The following YPEL2 variants were observed in gnomAD, a reference collection of about 807,000 sequenced individuals.
YPEL2 encodes yippee like 2, also known as protein yippee-like 2.
A neutral mutation model predicts 19.1 loss-of-function variants in YPEL2; 2 were observed. The observed-to-expected ratio is 0.10, with a 90% CI of 0.04 to 0.33. The LOEUF (loss-of-function observed/expected upper bound fraction) is 0.33. Among genes scored for constraint, YPEL2 ranks in the 10% least tolerant of loss-of-function variants. The probability of loss-of-function intolerance (pLI) is 1.00; values close to 1 mark genes in which losing one functional copy is unlikely to be tolerated. For synonymous variants in YPEL2, 52 were observed against 50.0 expected (o/e 1.04, Z -0.17); for missense variants, 66 against 140.7 (o/e 0.47, Z 2.68).
At chr17:59,384,400 CAT>C (rs2147955125) in intron 2 of YPEL2, among the ~76,000 whole-genome samples, 1 of 152,302 alleles carries the variant, frequency 6.6e-6, no homozygotes, top group South Asian at 2.1e-4. Flanking sequence ...TACTTCATCT[CAT>C]ATGCAAAACA....
At chr17:59,332,662 C>T (rs371827352) in intron 1 of YPEL2, among the ~76,000 whole-genome samples, 22 of 152,150 alleles carry the variant, frequency 1.4e-4, no homozygotes, top group African/African-American at 4.6e-4. Flanking sequence ...ACTTCTTGTC[C>T]GGAAGATTGC....
intron 2 of YPEL2, chr17:59,356,358 TG>T (rs1216242585): frequency 6.6e-6 from 1 of 151,024 alleles, no homozygotes; most frequent in East Asian, 1.9e-4. Flanking sequence ...TACAAAGGTC[TG>T]AGTGTGACCA....
At chr17:59,388,143 GCT>G (rs1441774437) in intron 2 of YPEL2, among the ~76,000 whole-genome samples, 182 bp from the exon 3 acceptor site, 1 of 152,144 alleles carries the variant, frequency 6.6e-6, no homozygotes, top group Non-Finnish European at 1.5e-5. Context: ...GAGCTTTGTG[GCT>G]CTGTTAATTC....
chr17:59,344,021 C>T (rs2047744059), intron 1 of YPEL2, among the ~76,000 whole-genome samples: 1 of 151,984 alleles, frequency 6.6e-6, no homozygotes. Context: ...GAAGGGAGAG[C>T]ATAAAGGGGG....
intron 4 of YPEL2, among the ~76,000 whole-genome samples, chr17:59,393,992 C>T (rs2048022857): frequency 6.6e-6 from 1 of 152,246 alleles, no homozygotes; most frequent in African/African-American, 2.4e-5. Flanking sequence ...ACAAAACCGC[C>T]ATTGTCATCA....
chr17:59,337,827 A>G (rs867029286), intron 1 of YPEL2, among the ~76,000 whole-genome samples: 14 of 152,336 alleles, frequency 9.2e-5, no homozygotes, highest in Middle Eastern at 6.8e-3. Context: ...ACAGACAAAA[A>G]GGACTTGCTT....
intron 4 of YPEL2, among the ~76,000 whole-genome samples, chr17:59,393,284 C>T (rs903368752): frequency 6.7e-6 from 1 of 148,614 alleles, no homozygotes; most frequent in East Asian, 2.0e-4. Context: ...CATGACATCA[C>T]ACCCAGCTGA....
In YPEL2 at chr17:59,353,261, G is replaced by A. The variant is rs969179590; in HGVS notation, c.-149G>A. The A allele has an allele frequency of 7.2e-5, 44 of 606,978 alleles. No homozygotes were observed. In the East Asian group the frequency reaches 1.1e-3, roughly 15 times the overall value. The allele number at this position is 606,978 out of a possible 1,614,324, so 37.6% of individuals were successfully genotyped here. A position where few individuals can be genotyped will look rare whatever the true frequency, so the allele number is the denominator to read the frequency against. ...ACCTCTGCGTGAGGGTTCTTCTGCC[G>A]AAGACATCACCAGTGTGTGGAGCCT... On this transcript the variant is annotated 5_prime_UTR_variant, in exon 2 of 5. Transcript: ENST00000312655. This position sits in a 1 kb window ranked among gnomAD's most constrained non-coding sequence, Gnocchi z 4.8.
At chr17:59,350,764 C>G (rs1167867505) in intron 1 of YPEL2, among the ~76,000 whole-genome samples, 1 of 152,120 alleles carries the variant, frequency 6.6e-6, no homozygotes, top group Non-Finnish European at 1.5e-5. Flanking sequence ...AGAAATAATT[C>G]TACTCTGGGG....
At chr17:59,365,570 A>G (rs2047864433) in intron 2 of YPEL2, among the ~76,000 whole-genome samples, 1 of 152,154 alleles carries the variant, frequency 6.6e-6, no homozygotes, top group African/African-American at 2.4e-5. Flanking sequence ...CTTCTGTGAC[A>G]CTTCGGGTGG....
intron 2 of YPEL2, among the ~76,000 whole-genome samples, chr17:59,369,325 A>T (rs2047885566): frequency 6.6e-6 from 1 of 152,230 alleles, no homozygotes; most frequent in Non-Finnish European, 1.5e-5. Context: ...GAAAATGGGG[A>T]TTCTTGGACA....
At chr17:59,364,290 C>T (rs978466773) in intron 2 of YPEL2, among the ~76,000 whole-genome samples, 11 of 152,230 alleles carry the variant, frequency 7.2e-5, no homozygotes, top group Non-Finnish European at 1.5e-4. Flanking sequence ...CCACCTCCCC[C>T]GACACACCAC....
chr17:59,387,591 A>G (rs1313873137), intron 2 of YPEL2, among the ~76,000 whole-genome samples: 4 of 152,190 alleles, frequency 2.6e-5, no homozygotes, highest in Admixed American at 6.5e-5. Context: ...TAATGGAAGC[A>G]GACGCCAGAT....
chr17:59,335,792 G>A (rs1362013843), intron 1 of YPEL2, among the ~76,000 whole-genome samples: 2 of 152,022 alleles, frequency 1.3e-5, no homozygotes, highest in Non-Finnish European at 2.9e-5. Context: ...CAGGTGATCT[G>A]CCTGCCTCAG....
chr17:59,335,245 C>T (rs1390845466), intron 1 of YPEL2, among the ~76,000 whole-genome samples: 1 of 152,170 alleles, frequency 6.6e-6, no homozygotes, highest in Non-Finnish European at 1.5e-5. Flanking sequence ...GTTTGTTTAC[C>T]TGGGAGCTGT....
chr17:59,349,358 C>CTTTTTT (rs58304283), intron 1 of YPEL2, among the ~76,000 whole-genome samples: 236 of 119,214 alleles, frequency 2.0e-3, no homozygotes, highest in Non-Finnish European at 2.7e-3. Flanking sequence ...CCTTTTTTTT[C>CTTTTTT]TTTTTTTTTT....
chr17:59,338,737 C>G (rs1283223367), intron 1 of YPEL2, among the ~76,000 whole-genome samples: 1 of 152,178 alleles, frequency 6.6e-6, no homozygotes, highest in Non-Finnish European at 1.5e-5. Flanking sequence ...GTGAAGAGCA[C>G]TGCACAATGG....
intron 2 of YPEL2, among the ~76,000 whole-genome samples, chr17:59,369,849 A>G (rs2047888106): frequency 6.6e-6 from 1 of 152,198 alleles, no homozygotes; most frequent in South Asian, 2.1e-4. Flanking sequence ...TCTTTTAATT[A>G]TCCTAACAAT....
At position 59,399,261 on chromosome 17, in the gene YPEL2, A is replaced by G. The variant is rs2048057340; in HGVS notation, c.*2071A>G. 6.6e-6 allele frequency: 1 copy of G among 152,642 alleles called. No individual in the cohort carries two copies. The highest frequency in any genetic ancestry group is 6.5e-5 in the Admixed American group (1 of 15,274). The allele number at this position is 152,642 out of a possible 1,614,324, so 9.5% of individuals were successfully genotyped here. ...TCTCTCCCTTCCCCCTCCTCAAGGA[A>G]ATAGTCTTCCTTTATGGATTTTCAT... On this transcript the variant is annotated 3_prime_UTR_variant, in exon 5 of 5. Coordinates refer to ENST00000312655, the MANE Select transcript of YPEL2 (RefSeq NM_001005404.4).
Sources: allele counts gnomAD v4.1 joint callset (sites outside exome capture counted in the v4.1 genomes callset), GRCh38; gene constraint gnomAD v4.1.1; non-coding constraint Gnocchi (gnomAD v3.1); transcripts MANE v1.5; gene names NCBI Gene and HGNC (gene_info 2026-07-23, HGNC 2026-07-21).